CNTNAP5: variants seen among roughly 807,000 people sequenced by gnomAD.
The protein encoded by CNTNAP5 is contactin associated protein family member 5.
In CNTNAP5, 72 loss-of-function variants were observed where a neutral mutation model predicts 150.2. The ratio of observed to expected loss-of-function variants is 0.48; its 90% CI spans 0.40 to 0.58. The LOEUF (loss-of-function observed/expected upper bound fraction) is 0.58. Ranked by LOEUF, CNTNAP5 falls within the 20% of genes least tolerant of loss-of-function variation. The pLI is 0.00. For synonymous variants in CNTNAP5, 672 were observed against 619.8 expected, an observed-to-expected ratio of 1.08 and a Z score of -1.25; for missense variants, 1,636 against 1,626.2, an observed-to-expected ratio of 1.01 and a Z score of -0.10.
chr2:124,588,559 C>G (rs1024441218), intron 11 of CNTNAP5, among the ~76,000 whole-genome samples: 6 of 151,902 alleles, frequency 3.9e-5, no homozygotes, highest in African/African-American at 1.5e-4. Context: ...ATGGCCTAGA[C>G]TCAATTCAGC....
chr2:124,459,491 C>G (rs184265676), intron 6 of CNTNAP5, among the ~76,000 whole-genome samples: 2 of 152,148 alleles, frequency 1.3e-5, no homozygotes, highest in African/African-American at 4.8e-5. Flanking sequence ...GCTCATGCTC[C>G]TAATCCCAGC....
At chr2:124,361,097 G>T (rs1250049680) in intron 3 of CNTNAP5, among the ~76,000 whole-genome samples, 4 of 144,446 alleles carry the variant, frequency 2.8e-5, no homozygotes, top group Admixed American at 2.1e-4. Context: ...CCAGTTGATC[G>T]CATCGGCTCC....
intron 1 of CNTNAP5, among the ~76,000 whole-genome samples, chr2:124,178,278 A>G (rs777088414): frequency 6.6e-6 from 1 of 152,150 alleles, no homozygotes; most frequent in Non-Finnish European, 1.5e-5. Context: ...TACGTGTAGA[A>G]ATTAACACCC....
At chr2:124,584,626 T>G (rs1696488115) in intron 11 of CNTNAP5, among the ~76,000 whole-genome samples, 1 of 152,154 alleles carries the variant, frequency 6.6e-6, no homozygotes, top group Admixed American at 6.5e-5. Context: ...GAAAGACCAC[T>G]CTTTAATGGT....
chr2:124,334,511 G>T (rs1456189996), intron 3 of CNTNAP5, among the ~76,000 whole-genome samples: 1 of 152,150 alleles, frequency 6.6e-6, no homozygotes, highest in Non-Finnish European at 1.5e-5. Context: ...AGTCCACTGT[G>T]AAGTTTTCAT....
intron 3 of CNTNAP5, among the ~76,000 whole-genome samples, chr2:124,329,741 G>A (rs1298602765): frequency 6.6e-6 from 1 of 152,138 alleles, no homozygotes; most frequent in Non-Finnish European, 1.5e-5. Flanking sequence ...ATTTCAGAAG[G>A]TAGTGTTTGG....
intron 18 of CNTNAP5, 106 bp downstream of exon 18, chr2:124,790,247 C>T (rs1681697322): frequency 1.6e-6 from 2 of 1,236,932 alleles, no homozygotes; most frequent in South Asian, 3.1e-5. Context: ...ATCATCTACT[C>T]TCCCGCTGTT....
intron 21 of CNTNAP5, among the ~76,000 whole-genome samples, chr2:124,879,223 C>A (rs1240679765): frequency 1.3e-5 from 2 of 152,062 alleles, no homozygotes; most frequent in East Asian, 3.9e-4. Context: ...AAAGACAAGA[C>A]CCCAGCCTCA....
At chr2:124,438,532 A>G (rs1692593339) in intron 5 of CNTNAP5, among the ~76,000 whole-genome samples, 1 of 152,202 alleles carries the variant, frequency 6.6e-6, no homozygotes, top group Admixed American at 6.5e-5. Context: ...GTGAGACTCA[A>G]GTGAGACTCC....
intron 1 of CNTNAP5, among the ~76,000 whole-genome samples, chr2:124,201,962 G>A (rs996266964): frequency 4.6e-5 from 7 of 151,724 alleles, no homozygotes; most frequent in East Asian, 1.9e-4. Flanking sequence ...CTTTGTCCTC[G>A]GCCCCTAAGA....
At position 124,451,029 on chromosome 2, in the gene CNTNAP5, T is replaced by TAAAAAAAA. The variant is rs1156744323; in HGVS notation, c.918+4108_918+4115dup. ...GGTAGCAGAATAGGACCATGTCTCT[T>TAAAAAAAA]AAAAAAAAAAAAAAAAAAAAAAATA... On this transcript the variant is annotated intron_variant, in intron 6 of 23. Transcript: ENST00000682447. Among the ~76,000 whole-genome samples, 67 of 20,046 alleles carry TAAAAAAAA rather than the reference T, an allele frequency of 3.3e-3. 2 individuals carry two copies. The highest frequency in any genetic ancestry group is 4.0e-3 in the East Asian group (1 of 248). The allele number at this position is 20,046 out of a possible 152,430, so 13.2% of individuals were successfully genotyped here.
intron 1 of CNTNAP5, among the ~76,000 whole-genome samples, chr2:124,188,448 A>C (rs977360699): frequency 1.3e-5 from 2 of 152,098 alleles, no homozygotes; most frequent in African/African-American, 4.8e-5. Context: ...GGCCGGGCGC[A>C]GTGGCTCATG....
Position 124,832,889 on chromosome 2 carries a change from T to C in CNTNAP5, c.3218-32417T>C, listed in dbSNP as rs186543544. On this transcript the variant is annotated intron_variant, in intron 19 of 23. Coordinates refer to ENST00000682447, the MANE Select transcript of CNTNAP5 (RefSeq NM_001367498.1). ...TTTTGAGTAATGATCATTTAAGCTC[T>C]GAACTTTCTTTTTCTTTTTTTTTCT... Among the ~76,000 whole-genome samples, 412 of 151,866 alleles carry C rather than the reference T, an allele frequency of 2.7e-3. 2 individuals are homozygous for C. The highest frequency in any genetic ancestry group is 3.9e-3 in the South Asian group (19 of 4,814).
chr2:124,829,527 A>G (rs1682668857), intron 19 of CNTNAP5, among the ~76,000 whole-genome samples: 1 of 152,134 alleles, frequency 6.6e-6, no homozygotes, highest in African/African-American at 2.4e-5. Context: ...CAACAGGACT[A>G]TACAAGGATA....
At chr2:124,723,909 G>A (rs574184119) in intron 13 of CNTNAP5, among the ~76,000 whole-genome samples, 1 of 152,038 alleles carries the variant, frequency 6.6e-6, no homozygotes, top group South Asian at 2.1e-4. Flanking sequence ...ACTTTGGGAG[G>A]CTGAGGTGGG....
At chr2:124,532,569 A>G (rs1157823511) in intron 10 of CNTNAP5, among the ~76,000 whole-genome samples, 3 of 152,148 alleles carry the variant, frequency 2.0e-5, no homozygotes, top group Admixed American at 2.0e-4. Context: ...AAAAACAGGG[A>G]TGCTGATGAG....
chr2:124,691,045 A>G (rs1399986343), intron 13 of CNTNAP5, among the ~76,000 whole-genome samples: 2 of 152,094 alleles, frequency 1.3e-5, no homozygotes, highest in African/African-American at 4.8e-5. Context: ...GGTACAGGGG[A>G]AACTCCATTT....
intron 8 of CNTNAP5, among the ~76,000 whole-genome samples, chr2:124,516,546 A>G (rs1694722619): frequency 6.6e-6 from 1 of 152,208 alleles, no homozygotes; most frequent in Admixed American, 6.5e-5. Flanking sequence ...AGCAAGGAAT[A>G]ACAGGTGAAT....
At chr2:124,674,462 TTCCC>T (rs200603250) in intron 13 of CNTNAP5, among the ~76,000 whole-genome samples, 2,770 of 142,138 alleles carry the variant, frequency 0.019, 102 homozygotes, top group African/African-American at 0.069. Flanking sequence ...CTTCCTTCCT[TTCCC>T]TCCCTCCCTC....
Sources: allele counts gnomAD v4.1 joint callset (sites outside exome capture counted in the v4.1 genomes callset), GRCh38; gene constraint gnomAD v4.1.1; transcripts MANE v1.5; gene names NCBI Gene and HGNC (gene_info 2026-07-23, HGNC 2026-07-21).